Variants in GREB1L observed in about 807,000 individuals in gnomAD.
GREB1L encodes the protein GREB1-like protein.
In GREB1L, 17 loss-of-function variants were observed where a neutral mutation model predicts 200.8. The ratio of observed to expected loss-of-function variants is 0.08; its 90% CI spans 0.06 to 0.13. The LOEUF is 0.13. Ranked by LOEUF, GREB1L falls within the 10% of genes least tolerant of loss-of-function variation. The pLI is 1.00. For missense variants in GREB1L, 1,657 were observed against 2,367.7 expected (o/e 0.70, Z 6.23); for synonymous variants, 789 against 893.0 (o/e 0.88, Z 2.08).
intron 7 of GREB1L, among the ~76,000 whole-genome samples, chr18:21,438,073 G>C (rs375526224): frequency 1.2e-4 from 18 of 152,150 alleles, no homozygotes; most frequent in African/African-American, 4.3e-4. Context: ...TTGAACCCAG[G>C]AGTCCAAGAC....
chr18:21,284,616 G>A (rs2038324125), intron 1 of GREB1L, among the ~76,000 whole-genome samples: 1 of 152,152 alleles, frequency 6.6e-6, no homozygotes, highest in Non-Finnish European at 1.5e-5. Flanking sequence ...ATAATAAATA[G>A]TGCTTGCTGC....
intron 30 of GREB1L, among the ~76,000 whole-genome samples, chr18:21,517,520 TGA>T (rs1270169572): frequency 2.0e-5 from 3 of 152,120 alleles, no homozygotes; most frequent in Non-Finnish European, 4.4e-5. Flanking sequence ...ATGTAATACA[TGA>T]GAGAAATATA....
intron 4 of GREB1L, among the ~76,000 whole-genome samples, chr18:21,394,373 A>G (rs929890920): frequency 2.6e-5 from 4 of 152,228 alleles, no homozygotes; most frequent in African/African-American, 4.8e-5. Context: ...GCTGTTCCCT[A>G]TAACACTGTC....
intron 1 of GREB1L, among the ~76,000 whole-genome samples, chr18:21,303,715 A>G (rs1378779955): frequency 1.3e-5 from 2 of 152,244 alleles, no homozygotes; most frequent in Non-Finnish European, 2.9e-5. Context: ...AGTCAGCCCA[A>G]TGAAAAATTC....
intron 5 of GREB1L, among the ~76,000 whole-genome samples, chr18:21,400,521 C>G (rs548793060): frequency 9.8e-5 from 15 of 152,342 alleles, no homozygotes; most frequent in South Asian, 2.1e-4. Flanking sequence ...AGATCAGCTT[C>G]CCTTCATGGT....
intron 31 of GREB1L, among the ~76,000 whole-genome samples, chr18:21,518,704 G>A (rs995116354): frequency 2.6e-5 from 4 of 152,104 alleles, no homozygotes; most frequent in Admixed American, 2.0e-4. Flanking sequence ...AGTGATTACC[G>A]AACAAATAAA....
chr18:21,308,456 C>G (rs754966321), intron 1 of GREB1L, among the ~76,000 whole-genome samples: 1 of 152,224 alleles, frequency 6.6e-6, no homozygotes, highest in Non-Finnish European at 1.5e-5. Flanking sequence ...CAGCCTCACA[C>G]ATTTGCCAAA....
At chr18:21,432,658 G>C (rs1037801496) in intron 7 of GREB1L, among the ~76,000 whole-genome samples, 1 of 122,000 alleles carries the variant, frequency 8.2e-6, no homozygotes, top group African/African-American at 3.1e-5. Context: ...CATGATTTTC[G>C]TAAGTTTTTT....
chr18:21,307,170 A>G (rs2038713625), intron 1 of GREB1L, among the ~76,000 whole-genome samples: 1 of 152,198 alleles, frequency 6.6e-6, no homozygotes, highest in Non-Finnish European at 1.5e-5. Flanking sequence ...AGGAGTTTTG[A>G]GCCCCTTTCC....
intron 7 of GREB1L, among the ~76,000 whole-genome samples, chr18:21,418,790 G>T (rs991603592): frequency 1.3e-5 from 2 of 152,166 alleles, no homozygotes; most frequent in African/African-American, 4.8e-5. Flanking sequence ...CTCCCAAAGT[G>T]CTGGGATTAC....
intron 1 of GREB1L, among the ~76,000 whole-genome samples, chr18:21,313,736 A>G (rs562121404): frequency 6.6e-6 from 1 of 152,308 alleles, no homozygotes; most frequent in Non-Finnish European, 1.5e-5. Flanking sequence ...TTCTCCTCCC[A>G]TTTGTCTTTC....
chr18:21,476,580 G>GTT (rs1335806019), intron 16 of GREB1L, among the ~76,000 whole-genome samples: 1 of 147,420 alleles, frequency 6.8e-6, no homozygotes, highest in Non-Finnish European at 1.5e-5. Context: ...TTGGGGTTTT[G>GTT]TTTTTTTTTT....
At chr18:21,323,630 G>T (rs762323297) in intron 1 of GREB1L, among the ~76,000 whole-genome samples, 1 of 152,138 alleles carries the variant, frequency 6.6e-6, no homozygotes, top group African/African-American at 2.4e-5. Flanking sequence ...TACTCCAAAC[G>T]TTGAGGTGGG....
At chr18:21,399,545 A>G (rs551993341) in intron 5 of GREB1L, among the ~76,000 whole-genome samples, 2 of 152,210 alleles carry the variant, frequency 1.3e-5, no homozygotes, top group South Asian at 4.2e-4. Flanking sequence ...TTAGTGACCT[A>G]GACAGCCACT....
intron 4 of GREB1L, 142 bp downstream of exon 4, chr18:21,384,545 A>G: frequency 3.0e-6 from 2 of 674,100 alleles, no homozygotes; most frequent in Non-Finnish European, 5.0e-6. Flanking sequence ...GCTCTCATTC[A>G]CATTATCTCC....
chr18:21,309,599 T>C (rs1269065846), intron 1 of GREB1L, among the ~76,000 whole-genome samples: 1 of 152,146 alleles, frequency 6.6e-6, no homozygotes, highest in Non-Finnish European at 1.5e-5. Flanking sequence ...ACGAAATGAC[T>C]AGGACCTGTT....
chr18:21,380,872 G>A (rs2040276764), intron 2 of GREB1L, among the ~76,000 whole-genome samples: 1 of 151,418 alleles, frequency 6.6e-6, no homozygotes, highest in Non-Finnish European at 1.5e-5. Flanking sequence ...AGGCTGAGGC[G>A]GGTGGATCAC....
chr18:21,490,162 A>T lies in GREB1L; in HGVS notation c.2841A>T (p.Pro947=). The change falls in exon 19 of 33, where the codon CCA becomes CCT. Residue 947 remains proline (P), a synonymous_variant. Transcript: ENST00000424526. The part of the protein sequence containing the change: ...LSIMDDLISS[P]GKNKSGRGHM... ...TTATGGATGACCTCATCAGCTCCCC[A>T]GGCAAAAACAAAAGTGGGAGGGGAC... The T allele has an allele frequency of 6.4e-7, 1 of 1,551,750 alleles. No homozygotes were observed.
chr18:21,507,442 A>G (rs781365291), intron 25 of GREB1L, among the ~76,000 whole-genome samples: 1 of 152,224 alleles, frequency 6.6e-6, no homozygotes, highest in Non-Finnish European at 1.5e-5. Flanking sequence ...AATTGATGGT[A>G]TCCTTTTATT....
Sources: gnomAD v4.1 joint callset for allele counts (sites outside exome capture counted in the v4.1 genomes callset) on GRCh38, gnomAD v4.1.1 for gene constraint, MANE v1.5 for transcripts, NCBI Gene and HGNC (gene_info 2026-07-23, HGNC 2026-07-21) for gene names.